FHAD1: variants seen among roughly 807,000 people sequenced by gnomAD.
FHAD1 encodes forkhead associated phosphopeptide binding domain 1.
A neutral mutation model predicts 191.3 loss-of-function variants in FHAD1; 146 were observed. That is an observed-to-expected ratio of 0.76 (90% CI 0.67 to 0.88). FHAD1 has a LOEUF of 0.88. Ranked by LOEUF, FHAD1 falls within the 40% of genes least tolerant of loss-of-function variation. The pLI is 0.00. For missense variants in FHAD1, 1,635 were observed against 1,785.8 expected, an observed-to-expected ratio of 0.92 and a Z score of 1.52; for synonymous variants, 616 against 672.3, an observed-to-expected ratio of 0.92 and a Z score of 1.29.
At chr1:15,375,816 G>C (rs544868522) in intron 28 of FHAD1, 86 bp downstream of exon 28, 2 of 1,374,456 alleles carry the variant, frequency 1.5e-6, no homozygotes, top group South Asian at 1.5e-5. Flanking sequence ...CCCTGGCACA[G>C]CCATACATGT....
chr1:15,241,583 G>C (rs1365272453), intron 1 of FHAD1, among the ~76,000 whole-genome samples: 2 of 152,302 alleles, frequency 1.3e-5, no homozygotes, highest in East Asian at 3.9e-4. Flanking sequence ...ACGGGAGGCA[G>C]AGGTTGCAGT....
In FHAD1 at chr1:15,318,077, A is replaced by G. The variant is rs1675054071; in HGVS notation, c.1365+149A>G. On this transcript the variant is annotated intron_variant, in intron 10 of 33. Transcript: ENST00000688493. The surrounding 1 kb of genome is among the most constrained non-coding windows in gnomAD (Gnocchi z 4.1). ...TCACACAGGGACAGGGACCAGGTTC[A>G]CTGCATAAAGTAGTTGTGGCAGGAC... The G allele has an allele frequency of 3.4e-6, 2 of 589,570 alleles. No individual in the cohort carries two copies. Among genetic ancestry groups the G allele is most frequent in the African/African-American group, 3.8e-5 (2 of 52,752 alleles). The allele number at this position is 589,570 out of a possible 1,614,324, so 36.5% of individuals were successfully genotyped here.
At chr1:15,360,116 A>G (rs1004352874) in intron 21 of FHAD1, among the ~76,000 whole-genome samples, 1 of 152,248 alleles carries the variant, frequency 6.6e-6, no homozygotes, top group East Asian at 1.9e-4. Context: ...CTGTCTCAAA[A>G]CAAACAACAA....
chr1:15,284,396 A>T (rs1380586433), intron 3 of FHAD1, among the ~76,000 whole-genome samples: 1 of 151,530 alleles, frequency 6.6e-6, no homozygotes, highest in Non-Finnish European at 1.5e-5. Context: ...GGAGAATGGC[A>T]TGAACCCGTG....
chr1:15,366,580 C>T (rs1447283575), intron 24 of FHAD1, among the ~76,000 whole-genome samples: 2 of 152,236 alleles, frequency 1.3e-5, no homozygotes, highest in East Asian at 1.9e-4. Context: ...GATCTCCCTG[C>T]AGCAGGCCAG....
At chr1:15,367,376 A>T in intron 24 of FHAD1, 87 bp from the exon 25 acceptor site, 1 of 1,434,164 alleles carries the variant, frequency 7.0e-7, no homozygotes, top group Non-Finnish European at 9.3e-7. Flanking sequence ...CATGCCCGTA[A>T]TCCCACGTAC....
In FHAD1 at chr1:15,381,434, G is replaced by A. The variant is rs1407837838; in HGVS notation, c.4005G>A (p.Lys1335=). 3.2e-6 allele frequency: 5 copies of A among 1,551,332 alleles called. No homozygotes were observed. The East Asian group carries it at 7.3e-5, about 23-fold the overall frequency. ...AGGAGCTGTTGAGAGGATATGAAAA[G>A]GACGTTGAACAGCTCAGGTACCTCG... ...RKEELLRGYE[K]DVEQLRRSKV... Residue 1335 remains lysine, a synonymous_variant, in exon 30 of 34, where the codon AAG becomes AAA. Coordinates refer to ENST00000688493, the MANE Select transcript of FHAD1 (RefSeq NM_001391957.1). The surrounding 1 kb of genome is among the most constrained non-coding windows in gnomAD (Gnocchi z 4.6).
chr1:15,375,777 G>A (rs1368930660), intron 28 of FHAD1, 47 bp downstream of exon 28: 1 of 1,490,428 alleles, frequency 6.7e-7, no homozygotes, highest in Non-Finnish European at 8.9e-7. Context: ...GTGGAGAGGA[G>A]GGGCCTGAGG....
chr1:15,387,930 G>A, intron 31 of FHAD1, 121 bp from the exon 32 acceptor site: 3 of 415,734 alleles, frequency 7.2e-6, no homozygotes, highest in South Asian at 3.6e-5. Context: ...CTTATCTTCT[G>A]CCCACCTATC....
chr1:15,303,275 T>C (rs748004090), intron 6 of FHAD1, among the ~76,000 whole-genome samples: 5 of 152,206 alleles, frequency 3.3e-5, no homozygotes, highest in African/African-American at 1.2e-4. Flanking sequence ...GCTGGTCCTA[T>C]AGGAAATACT....
intron 33 of FHAD1, among the ~76,000 whole-genome samples, chr1:15,397,027 A>AG (rs959155944): frequency 4.0e-5 from 6 of 149,008 alleles, no homozygotes; most frequent in Non-Finnish European, 7.5e-5. Context: ...TACTAAAAAA[A>AG]AAAAAAAAAA....
At chr1:15,262,444 G>A (rs1000249676) in intron 2 of FHAD1, among the ~76,000 whole-genome samples, 1 of 152,188 alleles carries the variant, frequency 6.6e-6, no homozygotes, top group Non-Finnish European at 1.5e-5. Context: ...CCACTAGGAA[G>A]TAGGAGAGCT....
chr1:15,270,630 G>A (rs1393542381), intron 2 of FHAD1, among the ~76,000 whole-genome samples: 1 of 152,146 alleles, frequency 6.6e-6, no homozygotes, highest in East Asian at 1.9e-4. Context: ...AACTTTAGTT[G>A]TCTACATGCA....
intron 10 of FHAD1, among the ~76,000 whole-genome samples, chr1:15,322,835 A>C (rs765890645): frequency 1.3e-5 from 2 of 152,216 alleles, no homozygotes; most frequent in Admixed American, 1.3e-4. Flanking sequence ...GACCATGTGT[A>C]TTAGTCCGTT....
At chr1:15,294,025 C>T (rs1037429430) in intron 4 of FHAD1, among the ~76,000 whole-genome samples, 1 of 152,112 alleles carries the variant, frequency 6.6e-6, no homozygotes, top group Non-Finnish European at 1.5e-5. Context: ...CCATGATGTC[C>T]GCTCCCAAAC....
chr1:15,279,695 G>A (rs1184128684), intron 3 of FHAD1, among the ~76,000 whole-genome samples: 1 of 152,040 alleles, frequency 6.6e-6, no homozygotes, highest in East Asian at 1.9e-4. Context: ...AAAAGAGCAA[G>A]CGTCTTCATT....
intron 8 of FHAD1, among the ~76,000 whole-genome samples, chr1:15,313,404 C>A (rs1367818057): frequency 6.6e-6 from 1 of 152,190 alleles, no homozygotes; most frequent in African/African-American, 2.4e-5. Flanking sequence ...TGGCCACATT[C>A]TTTGCACCTT....
intron 2 of FHAD1, among the ~76,000 whole-genome samples, chr1:15,259,526 C>G (rs1483658437): frequency 6.6e-6 from 1 of 152,168 alleles, no homozygotes; most frequent in Non-Finnish European, 1.5e-5. Context: ...ATCTAAAAAT[C>G]TAAATATCTG....
chr1:15,305,407 A>G (rs1670142878), intron 6 of FHAD1, among the ~76,000 whole-genome samples: 2 of 152,092 alleles, frequency 1.3e-5, no homozygotes. Context: ...TGGTTCCTAG[A>G]GCCACGTGGA....
Sources: gnomAD v4.1 joint callset for allele counts (sites outside exome capture counted in the v4.1 genomes callset) on GRCh38, gnomAD v4.1.1 for gene constraint, Gnocchi (gnomAD v3.1) non-coding constraint, MANE v1.5 for transcripts, NCBI Gene and HGNC (gene_info 2026-07-23, HGNC 2026-07-21) for gene names.